Variants in CYTH3 observed in about 807,000 individuals in gnomAD.
The protein encoded by CYTH3 is cytohesin-3.
In CYTH3, 23 loss-of-function variants were observed where a neutral mutation model predicts 55.1. That is an observed-to-expected ratio of 0.42 (90% confidence interval 0.30 to 0.59). The LOEUF (loss-of-function observed/expected upper bound fraction) is 0.59. Ranked by LOEUF, CYTH3 falls within the 20% of genes least tolerant of loss-of-function variation. The pLI is 0.20. For synonymous variants in CYTH3, 249 were observed against 194.9 expected, an observed-to-expected ratio of 1.28 and a Z score of -2.31; for missense variants, 413 against 524.8, an observed-to-expected ratio of 0.79 and a Z score of 2.08.
In CYTH3 at chr7:6,216,652, G is replaced by T. The variant is rs1447963499; in HGVS notation, c.35-26121C>A. ...GCTACACAGGAGGCTGAGGTGGGAG[G>T]ATTACTTGAGCCTGGGAGGCAGAGG... is the stretch of plus-strand genomic sequence containing the variant. On this transcript the variant is annotated intron_variant, in intron 1 of 12. Coordinates refer to ENST00000350796, the MANE Select transcript of CYTH3 (RefSeq NM_004227.4). Among the ~76,000 whole-genome samples the T allele has an allele frequency of 2.6e-5, 4 of 151,758 alleles. No homozygotes were observed. The South Asian group carries it at 8.3e-4, about 32-fold the overall frequency.
At chr7:6,225,354 ATTT>A (rs774582947) in intron 1 of CYTH3, among the ~76,000 whole-genome samples, 2 of 143,344 alleles carry the variant, frequency 1.4e-5, no homozygotes, top group Non-Finnish European at 1.5e-5. Flanking sequence ...AGGAAAAAAA[ATTT>A]TTTTTTTTTT....
intron 1 of CYTH3, among the ~76,000 whole-genome samples, chr7:6,246,285 G>A (rs1263531643): frequency 6.6e-6 from 1 of 151,338 alleles, no homozygotes; most frequent in East Asian, 1.9e-4. Flanking sequence ...CCCCAGGCTG[G>A]TGGCGAACTC....
chr7:6,267,693 T>G (rs958591293), intron 1 of CYTH3, among the ~76,000 whole-genome samples: 7 of 152,166 alleles, frequency 4.6e-5, no homozygotes. Context: ...CCGGCTAATT[T>G]TTGTATTTTT....
At chr7:6,250,439 C>G (rs1314325947) in intron 1 of CYTH3, among the ~76,000 whole-genome samples, 1 of 152,196 alleles carries the variant, frequency 6.6e-6, no homozygotes, top group Non-Finnish European at 1.5e-5. Flanking sequence ...AGCAAAACCT[C>G]TCTGACCACT....
chr7:6,259,772 T>TAATATACATA (rs1491219669), intron 1 of CYTH3, among the ~76,000 whole-genome samples: 1 of 30,496 alleles, frequency 3.3e-5, no homozygotes, highest in East Asian at 1.3e-3. Flanking sequence ...TATATATATA[T>TAATATACATA]TATATATATA....
intron 1 of CYTH3, among the ~76,000 whole-genome samples, chr7:6,198,023 G>C (rs1783975034): frequency 6.7e-6 from 1 of 149,846 alleles, no homozygotes; most frequent in Non-Finnish European, 1.5e-5. Context: ...GAGCCCTTGA[G>C]TTTGAGGATG....
intron 1 of CYTH3, among the ~76,000 whole-genome samples, chr7:6,202,864 T>C (rs1257408940): frequency 6.6e-6 from 1 of 152,196 alleles, no homozygotes; most frequent in East Asian, 1.9e-4. Context: ...AGTAAAGTTT[T>C]AAAACTTGGA....
intron 1 of CYTH3, among the ~76,000 whole-genome samples, chr7:6,235,173 C>T (rs548519190): frequency 5.3e-5 from 8 of 152,194 alleles, no homozygotes; most frequent in Admixed American, 2.6e-4. Context: ...CCCTGATCCA[C>T]GCAGTAAGAA....
intron 1 of CYTH3, among the ~76,000 whole-genome samples, chr7:6,195,556 G>A (rs1388797740): frequency 6.6e-6 from 1 of 152,062 alleles, no homozygotes; most frequent in Non-Finnish European, 1.5e-5. Context: ...CCAGGTTCAA[G>A]CAATTCTCCT....
chr7:6,200,948 G>C (rs767963399), intron 1 of CYTH3, among the ~76,000 whole-genome samples: 9 of 152,154 alleles, frequency 5.9e-5, no homozygotes, highest in Non-Finnish European at 1.3e-4. Context: ...TGTAGAGACA[G>C]GGTCTCACTA....
At chr7:6,250,824 G>T (rs1779943432) in intron 1 of CYTH3, among the ~76,000 whole-genome samples, 1 of 152,154 alleles carries the variant, frequency 6.6e-6, no homozygotes, top group African/African-American at 2.4e-5. Flanking sequence ...GACTATAATG[G>T]CATGTGGATT....
Position 6,171,167 on chromosome 7 carries a change from C to T in CYTH3, c.562+35G>A. 6.2e-7 allele frequency: 1 copy of T among 1,610,898 alleles called. No homozygotes were observed. Among genetic ancestry groups the T allele is most frequent in the Non-Finnish European group, 8.5e-7 (1 of 1,177,408 alleles). ...CCCCCTCCAGAGCTGGAGGCTGTGC[C>T]TGGCAAGGGGCCAGGCTGTGGGCTC... On this transcript the variant is annotated intron_variant, in intron 7 of 12. Coordinates refer to ENST00000350796, the MANE Select transcript of CYTH3 (RefSeq NM_004227.4). This position sits in a 1 kb window ranked among gnomAD's most constrained non-coding sequence, Gnocchi z 6.7.
Position 6,197,125 on chromosome 7 carries a change from C to T in CYTH3, c.35-6594G>A, listed in dbSNP as rs1211884800. Among the ~76,000 whole-genome samples the T allele has an allele frequency of 5.9e-5, 9 of 152,296 alleles. No individual in the cohort carries two copies. In the South Asian group the frequency reaches 1.7e-3, roughly 28 times the overall value. On this transcript the variant is annotated intron_variant, in intron 1 of 12. Transcript: ENST00000350796. The stretch of plus-strand genomic sequence containing the variant: ...TAAAGATCCTAAAATACCTTTTAAT[C>T]GGAATCAAAGGATTTCCTTGATTTT...
rs753266367 is a variant in CYTH3 at position 6,177,802 on chromosome 7, T to C, written c.368+21A>G. 62 of 1,588,492 alleles carry C rather than the reference T, an allele frequency of 3.9e-5. No homozygotes were observed. In the Admixed American group the frequency reaches 9.5e-4, roughly 24 times the overall value. On this transcript the variant is annotated intron_variant, in intron 5 of 12. Transcript: ENST00000350796. ...GGGCTGAGTGGCCCCAGGTAGGGCT[T>C]TGCATCCTCCTCTAACTCACCTTTC...
chr7:6,193,193 C>A (rs1003050668), intron 1 of CYTH3, among the ~76,000 whole-genome samples: 1 of 151,376 alleles, frequency 6.6e-6, no homozygotes, highest in Admixed American at 6.6e-5. Flanking sequence ...GGAAATTGGG[C>A]AAATGACTTG....
At chr7:6,173,016 C>T (rs867062257) in intron 6 of CYTH3, 7 of 1,076,734 alleles carry the variant, frequency 6.5e-6, no homozygotes, top group African/African-American at 3.4e-5. Flanking sequence ...GTCCAAGGGC[C>T]GGCTGAGGCG....
At chr7:6,231,182 C>A (rs1012632891) in intron 1 of CYTH3, among the ~76,000 whole-genome samples, 2 of 152,246 alleles carry the variant, frequency 1.3e-5, no homozygotes, top group African/African-American at 4.8e-5. Context: ...AGGGCTTCTG[C>A]CCTCCTCACG....
chr7:6,248,779 G>C (rs1281694434), intron 1 of CYTH3, among the ~76,000 whole-genome samples: 1 of 152,202 alleles, frequency 6.6e-6, no homozygotes, highest in African/African-American at 2.4e-5. Context: ...GAAACAGAGT[G>C]ATGAGTCAGG....
At position 6,165,438 on chromosome 7, in the gene CYTH3, A is replaced by G. The variant is rs926051090; in HGVS notation, c.973-11T>C. ...GAGCTCAAAACAGTTCTGGTGGAGAAAGAGAGAGGGGAGGCGGTCAGGGGG... is the reference window on the plus strand; with the variant it reads ...GAGCTCAAAACAGTTCTGGTGGAGAGAGAGAGAGGGGAGGCGGTCAGGGGG... On this transcript the variant is annotated splice_polypyrimidine_tract_variant and intron_variant, in intron 11 of 12. Coordinates refer to ENST00000350796, the MANE Select transcript of CYTH3 (RefSeq NM_004227.4). 8 of 1,611,190 alleles carry G rather than the reference A, an allele frequency of 5.0e-6. No homozygotes were observed. Among genetic ancestry groups the G allele is most frequent in the Non-Finnish European group, 6.8e-6 (8 of 1,178,106 alleles).
Sources: allele counts gnomAD v4.1 joint callset (sites outside exome capture counted in the v4.1 genomes callset), GRCh38; gene constraint gnomAD v4.1.1; non-coding constraint Gnocchi (gnomAD v3.1); transcripts MANE v1.5; gene names NCBI Gene and HGNC (gene_info 2026-07-23, HGNC 2026-07-21).